Variants in JAK1 observed in about 807,000 individuals in gnomAD.
The protein encoded by JAK1 is Janus kinase 1.
Under a neutral mutation model 136.6 loss-of-function variants are expected in JAK1, and 16 were observed. That is an observed-to-expected ratio of 0.12 (90% CI 0.08 to 0.18). JAK1 has a LOEUF of 0.18. Among genes scored for constraint, JAK1 ranks in the 10% least tolerant of loss-of-function variants. JAK1 has a pLI of 1.00. For missense variants in JAK1, 859 were observed against 1,450.1 expected (o/e 0.59, Z 6.62); for synonymous variants, 492 against 519.5 (o/e 0.95, Z 0.72).
At chr1:64,872,534 T>C (rs1348607570) in intron 5 of JAK1, among the ~76,000 whole-genome samples, 3 of 152,226 alleles carry the variant, frequency 2.0e-5, no homozygotes, top group African/African-American at 7.2e-5. Flanking sequence ...ATGTATCATT[T>C]TATTTGCTTG....
At chr1:65,065,068 T>A (rs1050413768) in intron 1 of JAK1, among the ~76,000 whole-genome samples, 1 of 152,184 alleles carries the variant, frequency 6.6e-6, no homozygotes. Context: ...TCAAAGTTCA[T>A]TGTGTTCCTC....
At chr1:64,913,716 G>A (rs1251655953) in intron 1 of JAK1, among the ~76,000 whole-genome samples, 4 of 129,634 alleles carry the variant, frequency 3.1e-5, no homozygotes, top group African/African-American at 8.7e-5. Flanking sequence ...AGGGAGGGAG[G>A]GAGGGAGGGA....
intron 4 of JAK1, among the ~76,000 whole-genome samples, chr1:64,877,349 A>G (rs1456313901): frequency 6.6e-6 from 1 of 152,106 alleles, no homozygotes; most frequent in East Asian, 1.9e-4. Context: ...TCCAAGTTCA[A>G]AGGGCCTGTG....
At chr1:64,970,376 G>C (rs543496168), upstream of JAK1, among the ~76,000 whole-genome samples, 16 of 152,096 alleles carry the variant, frequency 1.1e-4, no homozygotes, top group Non-Finnish European at 2.2e-4. Flanking sequence ...GGAAGGCAGA[G>C]GCTGCAGTGA....
At position 64,833,398 on chromosome 1, in the gene JAK1, C is replaced by T. The variant is rs986543539; in HGVS notation, c.*1164G>A. The T allele has an allele frequency of 8.6e-6, 2 of 232,724 alleles. No homozygotes were observed. The highest frequency in any genetic ancestry group is 5.6e-5 in the Admixed American group (1 of 17,754). 14.4% of individuals were successfully genotyped at this position (232,724 alleles called of 1,614,324 possible). On this transcript the variant is annotated 3_prime_UTR_variant, in exon 25 of 25. Coordinates refer to ENST00000342505, the MANE Select transcript of JAK1 (RefSeq NM_002227.4). ...TTTGGGCTCAACAGGTGAAAAGTAACAATATCAAACGAATACTAAACAGCA... is the reference window on the plus strand; with the variant it reads ...TTTGGGCTCAACAGGTGAAAAGTAATAATATCAAACGAATACTAAACAGCA...
chr1:64,987,241 A>G (rs1171947010), intron 2 of JAK1: 1 of 152,122 alleles, frequency 6.6e-6, no homozygotes, highest in Non-Finnish European at 1.5e-5. Flanking sequence ...TTTTGCTTGC[A>G]TATCTATTCA....
intron 1 of JAK1, among the ~76,000 whole-genome samples, chr1:64,955,005 A>G (rs1646157565): frequency 6.6e-6 from 1 of 152,234 alleles, no homozygotes; most frequent in East Asian, 1.9e-4. Context: ...GTCTTCCAAA[A>G]TACTTGATGA....
Position 65,061,875 on chromosome 1 carries a change from G to A in JAK1, c.-181+5729C>T, listed in dbSNP as rs548599621. On this transcript the variant is annotated intron_variant, in intron 1 of 25. Transcript: ENST00000671954. Reference sequence around the variant, plus strand: ...TCTTTTATGGAAAAAGAAATAGGCAGAAAGGCAAGAAAATGTCAAGGACCA... The same window carrying A: ...TCTTTTATGGAAAAAGAAATAGGCAAAAAGGCAAGAAAATGTCAAGGACCA... Among the ~76,000 whole-genome samples the A allele has an allele frequency of 5.3e-4, 81 of 152,308 alleles. 1 individual carries two copies. The South Asian group carries it at 0.017, about 32-fold the overall frequency.
intron 8 of JAK1, 42 bp from the exon 9 acceptor site, chr1:64,860,304 T>G: frequency 5.8e-6 from 9 of 1,543,560 alleles, no homozygotes; most frequent in South Asian, 1.2e-5. Context: ...ATCATGTCTC[T>G]ATCAGCTTAA....
intron 2 of JAK1, among the ~76,000 whole-genome samples, chr1:65,000,966 A>G: frequency 6.6e-6 from 1 of 151,768 alleles, no homozygotes; most frequent in African/African-American, 2.4e-5. Context: ...TTGTTTCTAA[A>G]GGGTCCTTTC....
chr1:64,882,803 G>C lies in JAK1; in HGVS notation c.205+474C>G, dbSNP rs926399051. Among the ~76,000 whole-genome samples, 3 of 152,158 alleles carry C rather than the reference G, an allele frequency of 2.0e-5. No homozygotes were observed. The East Asian group carries it at 5.8e-4, about 29-fold the overall frequency. ...GCTTCTCACTTCAACTCAGCACCAC[G>C]CATGGGAGGGCAGTCACGGCAGCAG... On this transcript the variant is annotated intron_variant, in intron 3 of 24. Transcript: ENST00000342505.
At chr1:64,923,583 C>A (rs1208288517) in intron 1 of JAK1, among the ~76,000 whole-genome samples, 1 of 152,160 alleles carries the variant, frequency 6.6e-6, no homozygotes, top group Non-Finnish European at 1.5e-5. Flanking sequence ...GATTCTCAGG[C>A]CCAGGGTGCT....
At chr1:64,930,182 C>G (rs951628118) in intron 1 of JAK1, among the ~76,000 whole-genome samples, 10 of 151,972 alleles carry the variant, frequency 6.6e-5, no homozygotes, top group Admixed American at 5.9e-4. Flanking sequence ...AGCTTCTGCA[C>G]GGCAAAAGAA....
chr1:64,841,880 A>G (rs892411425), intron 17 of JAK1, among the ~76,000 whole-genome samples: 2 of 152,238 alleles, frequency 1.3e-5, no homozygotes, highest in African/African-American at 4.8e-5. Context: ...CAATTGGGCA[A>G]CATGTACAAA....
chr1:65,013,515 G>A (rs974137103), intron 2 of JAK1, among the ~76,000 whole-genome samples: 1 of 152,136 alleles, frequency 6.6e-6, no homozygotes, highest in Non-Finnish European at 1.5e-5. Flanking sequence ...CTGCTGACCA[G>A]TACAATGAGG....
chr1:65,040,594 G>A (rs74944267), intron 2 of JAK1, among the ~76,000 whole-genome samples: 135 of 151,728 alleles, frequency 8.9e-4, no homozygotes, highest in Non-Finnish European at 1.6e-3. Flanking sequence ...TTTATTCTAC[G>A]GACCATTATT....
chr1:64,868,177 T>C (rs1156268654), intron 6 of JAK1, among the ~76,000 whole-genome samples: 5 of 152,136 alleles, frequency 3.3e-5, no homozygotes. Context: ...TGGGCGAGTA[T>C]CTACAACAAA....
chr1:64,855,384 TA>T, intron 11 of JAK1, 124 bp downstream of exon 11: 1 of 868,930 alleles, frequency 1.2e-6, no homozygotes, highest in Non-Finnish European at 1.7e-6. Flanking sequence ...TTAAACTCAA[TA>T]AAAAACACCT....
At chr1:64,897,181 G>A (rs1645026612) in intron 1 of JAK1, among the ~76,000 whole-genome samples, 2 of 151,868 alleles carry the variant, frequency 1.3e-5, no homozygotes, top group Admixed American at 6.6e-5. Context: ...TGCAATCTCA[G>A]CCCTTTGGAA....
Sources: allele counts gnomAD v4.1 joint callset (sites outside exome capture counted in the v4.1 genomes callset), GRCh38; gene constraint gnomAD v4.1.1; transcripts MANE v1.5; gene names NCBI Gene and HGNC (gene_info 2026-07-23, HGNC 2026-07-21).